The following GDPD4 variants were observed in gnomAD, a reference collection of about 807,000 sequenced individuals.
The protein encoded by GDPD4 is glycerophosphodiester phosphodiesterase domain containing 4.
A neutral mutation model predicts 67.8 loss-of-function variants in GDPD4; 60 were observed. The ratio of observed to expected loss-of-function variants is 0.88; its 90% CI spans 0.72 to 1.10. GDPD4 has a LOEUF of 1.10. Among genes scored for constraint, GDPD4 ranks in the 50% least tolerant of loss-of-function variants. The pLI, the probability that GDPD4 is intolerant of heterozygous loss-of-function variation, is 0.00. For missense variants in GDPD4, 623 were observed against 613.9 expected (o/e 1.01, Z -0.16); for synonymous variants, 212 against 210.9 (o/e 1.00, Z -0.04).
intron 13 of GDPD4, among the ~76,000 whole-genome samples, chr11:77,239,690 T>C (rs1958628162): frequency 6.6e-6 from 1 of 152,156 alleles, no homozygotes; most frequent in African/African-American, 2.4e-5. Context: ...CCGGGTGCGG[T>C]GGCTCACACC....
At chr11:77,248,278 C>G (rs886786867) in intron 11 of GDPD4, among the ~76,000 whole-genome samples, 1 of 150,878 alleles carries the variant, frequency 6.6e-6, no homozygotes, top group Non-Finnish European at 1.5e-5. Flanking sequence ...TCTCAGCTCA[C>G]TTCAACCTCC....
intron 13 of GDPD4, among the ~76,000 whole-genome samples, chr11:77,238,436 T>C (rs918849245): frequency 4.0e-5 from 6 of 151,844 alleles, no homozygotes; most frequent in African/African-American, 1.5e-4. Flanking sequence ...ATACAAAAAT[T>C]AGCTAGGTGT....
chr11:77,271,074 T>C lies in GDPD4; in HGVS notation c.400+56A>G, dbSNP rs575894659. On this transcript the variant is annotated intron_variant, in intron 7 of 16. Coordinates refer to ENST00000315938, the MANE Select transcript of GDPD4 (RefSeq NM_182833.3). ...AGCTTCTGTTTTCCTGAGTGGAGTA[T>C]GCAAGCTAAAGCCAGAGCTGAAGAA... 1.5e-5 allele frequency: 18 copies of C among 1,219,978 alleles called. No homozygotes were observed. In the East Asian group the frequency reaches 2.6e-4, roughly 17 times the overall value. The allele number at this position is 1,219,978 out of a possible 1,614,324, so 75.6% of individuals were successfully genotyped here.
chr11:77,248,888 A>AT lies in GDPD4; in HGVS notation c.865-3387dup, dbSNP rs568506140. Reference sequence around the variant, plus strand: ...AGGCACCCACCAACATGCCCGGCTAATTTTTTTTTTTTTTTTTTTTAGTAG... The same window carrying AT: ...AGGCACCCACCAACATGCCCGGCTAATTTTTTTTTTTTTTTTTTTTTAGTAG... On this transcript the variant is annotated intron_variant, in intron 11 of 16. Transcript: ENST00000315938. 2.1e-3 allele frequency among the ~76,000 whole-genome samples: 262 copies of AT among 122,380 alleles called. 1 individual carries two copies. The highest frequency in any genetic ancestry group is 6.0e-3 in the African/African-American group (200 of 33,510). 80.3% of individuals were successfully genotyped at this position (122,380 alleles called of 152,430 possible).
intron 11 of GDPD4, among the ~76,000 whole-genome samples, chr11:77,247,498 T>C (rs1240826694): frequency 6.6e-6 from 1 of 152,204 alleles, no homozygotes; most frequent in Non-Finnish European, 1.5e-5. Flanking sequence ...ACATTGTGCC[T>C]CTTTAGACTT....
rs138303595 is a variant in GDPD4 at position 77,223,118 on chromosome 11, C to T, written c.1525+4746G>A. On this transcript the variant is annotated intron_variant, in intron 16 of 16. Transcript: ENST00000315938. Reference sequence around the variant, plus strand: ...ACACTGTTTATTCTAGTTAGCCATTCGTCTTTTTTGAAGGTTTTTAGCTTC... The same window carrying T: ...ACACTGTTTATTCTAGTTAGCCATTTGTCTTTTTTGAAGGTTTTTAGCTTC... Among the ~76,000 whole-genome samples the T allele has an allele frequency of 3.8e-3, 572 of 152,238 alleles. 3 individuals carry two copies. Among genetic ancestry groups the T allele is most frequent in the African/African-American group, 0.011 (472 of 41,560 alleles).
At chr11:77,291,380 C>A (rs116222682) in intron 1 of GDPD4, among the ~76,000 whole-genome samples, 291 of 152,068 alleles carry the variant, frequency 1.9e-3, no homozygotes, top group African/African-American at 6.7e-3. Flanking sequence ...CATGGGGTTG[C>A]AGGGGGATGA....
chr11:77,292,713 A>G (rs533795252), intron 1 of GDPD4, among the ~76,000 whole-genome samples: 20 of 152,280 alleles, frequency 1.3e-4, no homozygotes, highest in African/African-American at 4.8e-4. Flanking sequence ...CATTAAGGAG[A>G]TTAAACAAGA....
intron 16 of GDPD4, among the ~76,000 whole-genome samples, chr11:77,220,218 G>T (rs987798406): frequency 1.3e-5 from 2 of 152,104 alleles, no homozygotes; most frequent in Non-Finnish European, 2.9e-5. Flanking sequence ...TTGCCTGATT[G>T]CCCTGGCCAG....
At position 77,282,425 on chromosome 11, in the gene GDPD4, G is replaced by A. The variant is rs548999417; in HGVS notation, c.53+2660C>T. On this transcript the variant is annotated intron_variant, in intron 3 of 16. Coordinates refer to ENST00000315938, the MANE Select transcript of GDPD4 (RefSeq NM_182833.3). Reference sequence around the variant, plus strand: ...ATCCCAGCAATTTGGGAGGTCGAGCGGGCAGATCACTTGAGCTCAGGAGTT... The same window carrying A: ...ATCCCAGCAATTTGGGAGGTCGAGCAGGCAGATCACTTGAGCTCAGGAGTT... 2.0e-5 allele frequency among the ~76,000 whole-genome samples: 3 copies of A among 152,184 alleles called. No individual in the cohort carries two copies. The East Asian group carries it at 5.8e-4, about 29-fold the overall frequency.
rs148347673 is a variant in GDPD4, at chr11:77,264,368, T to C, written c.707+4089A>G. 1.5e-3 allele frequency among the ~76,000 whole-genome samples: 235 copies of C among 152,248 alleles called. 4 individuals carry two copies. The Middle Eastern group carries it at 0.024, about 15-fold the overall frequency. ...GGGATGAGCACTATCAAATTCACTT[T>C]GGGGTGAACTTGGGGTAGGGATCAA... On this transcript the variant is annotated intron_variant, in intron 10 of 16. Transcript: ENST00000315938.
At chr11:77,227,425 T>C (rs1034976057) in intron 16 of GDPD4, among the ~76,000 whole-genome samples, 3 of 152,206 alleles carry the variant, frequency 2.0e-5, no homozygotes, top group Admixed American at 2.0e-4. Flanking sequence ...GTCCTGGACC[T>C]AGATGCCTGG....
rs34508625 is a variant in GDPD4, at chr11:77,236,729, AACAC to A, written c.1242-3561_1242-3558del. 2.7e-5 allele frequency among the ~76,000 whole-genome samples: 4 copies of A among 145,484 alleles called. No individual in the cohort carries two copies. In the South Asian group the frequency reaches 8.9e-4, roughly 32 times the overall value. On this transcript the variant is annotated intron_variant, in intron 13 of 16. Coordinates refer to ENST00000315938, the MANE Select transcript of GDPD4 (RefSeq NM_182833.3). Reference sequence around the variant, plus strand: ...AAAGAGTTTCAAAATACAAGAAGGAAACACACACACACACACACACACAAATCAA... The same window carrying A: ...AAAGAGTTTCAAAATACAAGAAGGAAACACACACACACACACACAAATCAA...
At chr11:77,225,902 G>A (rs534180536) in intron 16 of GDPD4, among the ~76,000 whole-genome samples, 1 of 152,006 alleles carries the variant, frequency 6.6e-6, no homozygotes, top group African/African-American at 2.4e-5. Flanking sequence ...AGTCTTCCTT[G>A]TTCCTTCCCT....
intron 1 of GDPD4, among the ~76,000 whole-genome samples, chr11:77,299,322 C>T (rs1248638670): frequency 6.6e-6 from 1 of 152,194 alleles, no homozygotes; most frequent in Non-Finnish European, 1.5e-5. Flanking sequence ...TACCTCACTT[C>T]CTTCAATTCC....
chr11:77,216,703 A>C lies in GDPD4; in HGVS notation c.*574T>G, dbSNP rs1958126973. The stretch of plus-strand genomic sequence containing the variant: ...CCCCTTGCCTAGCCCCTTGAGATGC[A>C]TTCTTGATAGCGAGAGCACAATGGT... On this transcript the variant is annotated 3_prime_UTR_variant, in exon 17 of 17. Transcript: ENST00000315938. 1 of 568,132 alleles carries C rather than the reference A, an allele frequency of 1.8e-6. No individual in the cohort carries two copies. The highest frequency in any genetic ancestry group is 2.2e-5 in the South Asian group (1 of 45,956). 35.2% of individuals were successfully genotyped at this position (568,132 alleles called of 1,614,324 possible).
At chr11:77,268,318 G>T in intron 10 of GDPD4, 139 bp downstream of exon 10, 3 of 661,396 alleles carry the variant, frequency 4.5e-6, no homozygotes, top group Non-Finnish European at 8.3e-6. Context: ...CATTTGTGTA[G>T]TACATGCATA....
intron 1 of GDPD4, among the ~76,000 whole-genome samples, chr11:77,290,653 C>A (rs59862066): frequency 0.013 from 1,924 of 152,108 alleles, 42 homozygotes; most frequent in African/African-American, 0.044. Flanking sequence ...ACATTTACAT[C>A]AAAAGTAGAA....
At chr11:77,234,881 T>A (rs1958520915) in intron 13 of GDPD4, among the ~76,000 whole-genome samples, 1 of 152,166 alleles carries the variant, frequency 6.6e-6, no homozygotes, top group African/African-American at 2.4e-5. Flanking sequence ...GATTGCTGGG[T>A]CAAATGGTAG....
Sources: gnomAD v4.1 joint callset for allele counts (sites outside exome capture counted in the v4.1 genomes callset) on GRCh38, gnomAD v4.1.1 for gene constraint, MANE v1.5 for transcripts, NCBI Gene and HGNC (gene_info 2026-07-23, HGNC 2026-07-21) for gene names.